The following SLC8A1 variants were observed in gnomAD, a reference collection of about 807,000 sequenced individuals.
SLC8A1 encodes solute carrier family 8 member A1.
Under a neutral mutation model 68.3 loss-of-function variants are expected in SLC8A1, and 18 were observed. The ratio of observed to expected loss-of-function variants is 0.26; its 90% CI spans 0.18 to 0.39. SLC8A1 has a LOEUF of 0.39. Ranked by LOEUF, SLC8A1 falls within the 10% of genes least tolerant of loss-of-function variation. SLC8A1 has a pLI of 1.00. For missense variants in SLC8A1, 985 were observed against 1,156.7 expected, an observed-to-expected ratio of 0.85 and a Z score of 2.15; for synonymous variants, 475 against 415.5, an observed-to-expected ratio of 1.14 and a Z score of -1.74.
intron 7 of SLC8A1, 113 bp from the exon 11 acceptor site, chr2:40,115,742 A>C (rs2035198810): frequency 7.3e-7 from 1 of 1,374,132 alleles, no homozygotes; most frequent in African/African-American, 1.4e-5. Context: ...AAACCCAGTG[A>C]CCAAGAAATG....
chr2:40,446,969 T>C (rs1559718689), intron 1 of SLC8A1, among the ~76,000 whole-genome samples: 1 of 152,206 alleles, frequency 6.6e-6, no homozygotes, highest in African/African-American at 2.4e-5. Flanking sequence ...TTGGTTGAAG[T>C]AAATTGCTGA....
intron 2 of SLC8A1, among the ~76,000 whole-genome samples, chr2:40,224,189 T>G (rs911972299): frequency 3.3e-5 from 5 of 152,128 alleles, no homozygotes; most frequent in Admixed American, 3.3e-4. Flanking sequence ...ACTCTTTTAA[T>G]TGAATAGCAA....
At chr2:40,490,879 A>T (rs1705270242) in intron 1 of SLC8A1, among the ~76,000 whole-genome samples, 1 of 152,130 alleles carries the variant, frequency 6.6e-6, no homozygotes, top group Admixed American at 6.6e-5. Context: ...TATGCATCGT[A>T]CTGAGATACA....
intron 2 of SLC8A1, among the ~76,000 whole-genome samples, chr2:40,241,155 A>C (rs2061167786): frequency 6.6e-6 from 1 of 152,176 alleles, no homozygotes; most frequent in Admixed American, 6.6e-5. Flanking sequence ...ACACCATGGA[A>C]TATTACACAG....
rs572387551 is a variant in SLC8A1, at chr2:40,208,660, A to G, written c.1809-30805T>C. Reference sequence around the variant, plus strand: ...AATCAACTCTGCTCTATGATCCTATAAACAGGAAAGAGTTGCCAAATTTGG... The same window carrying G: ...AATCAACTCTGCTCTATGATCCTATGAACAGGAAAGAGTTGCCAAATTTGG... On this transcript the variant is annotated intron_variant, in intron 2 of 7. Coordinates refer to ENST00000406785, the Ensembl canonical transcript of SLC8A1. Among the ~76,000 whole-genome samples, 6 of 152,260 alleles carry G rather than the reference A, an allele frequency of 3.9e-5. No individual in the cohort carries two copies. In the East Asian group the frequency reaches 9.7e-4, roughly 25 times the overall value.
At chr2:40,226,025 G>C (rs901351396) in intron 2 of SLC8A1, among the ~76,000 whole-genome samples, 1 of 152,054 alleles carries the variant, frequency 6.6e-6, no homozygotes, top group African/African-American at 2.4e-5. Context: ...TTCTGCACAG[G>C]CTTGTGATGA....
intron 2 of SLC8A1, among the ~76,000 whole-genome samples, chr2:40,243,559 G>A (rs2061476417): frequency 1.3e-5 from 2 of 152,112 alleles, no homozygotes; most frequent in African/African-American, 2.4e-5. Flanking sequence ...TAACATCATG[G>A]CTTTGAGCTT....
chr2:40,196,439 A>G (rs960904295), intron 2 of SLC8A1, among the ~76,000 whole-genome samples: 5 of 152,030 alleles, frequency 3.3e-5, no homozygotes, highest in African/African-American at 1.2e-4. Context: ...TGGAAGGAAC[A>G]TAATATTAGA....
intron 2 of SLC8A1, among the ~76,000 whole-genome samples, chr2:40,315,438 A>ATAT (rs781750639): frequency 1.7e-4 from 24 of 138,416 alleles, no homozygotes; most frequent in Non-Finnish European, 2.6e-4. Flanking sequence ...TTTCCTAAGA[A>ATAT]TTTTTTTTTT....
At chr2:40,102,049 C>G (rs1353466883) in exon 8 of SLC8A1, 1 of 152,114 alleles carries the variant, frequency 6.6e-6, no homozygotes, top group East Asian at 1.9e-4. Flanking sequence ...ATTTCCCCCA[C>G]CAGACATTCT....
chr2:40,288,929 G>A (rs2068796870), intron 2 of SLC8A1, among the ~76,000 whole-genome samples: 1 of 146,588 alleles, frequency 6.8e-6, no homozygotes, highest in African/African-American at 2.6e-5. Flanking sequence ...CAATCTCCTA[G>A]CCTCAAGTGA....
chr2:40,324,589 T>C (rs1019449714), intron 2 of SLC8A1, among the ~76,000 whole-genome samples: 2 of 152,188 alleles, frequency 1.3e-5, no homozygotes, highest in African/African-American at 4.8e-5. Context: ...TGTAGGGTTT[T>C]AGTCTCCACA....
chr2:40,396,476 T>C (rs1233857567), intron 2 of SLC8A1, among the ~76,000 whole-genome samples: 2 of 152,014 alleles, frequency 1.3e-5, no homozygotes, highest in African/African-American at 4.8e-5. Context: ...AAATTTAAGA[T>C]AATTAGAAGA....
At chr2:40,116,323 A>G (rs60563966) in intron 7 of SLC8A1, among the ~76,000 whole-genome samples, 45,618 of 151,998 alleles carry the variant, frequency 0.3, 7,555 homozygotes, top group Middle Eastern at 0.47. Context: ...ATTATTTTTT[A>G]TTATTATACT....
intron 7 of SLC8A1, among the ~76,000 whole-genome samples, 172 bp from the exon 11 acceptor site, chr2:40,115,801 C>T (rs550978029): frequency 6.6e-6 from 1 of 152,270 alleles, no homozygotes; most frequent in East Asian, 1.9e-4. Context: ...AGAACAGGAT[C>T]TAGATATTGG....
intron 1 of SLC8A1, among the ~76,000 whole-genome samples, chr2:40,462,505 C>T (rs1246520547): frequency 6.7e-6 from 1 of 149,984 alleles, no homozygotes; most frequent in Admixed American, 6.7e-5. Context: ...GGCAGTATCT[C>T]ATATTAGAGA....
At chr2:40,495,209 CA>C (rs1389841412) in intron 1 of SLC8A1, among the ~76,000 whole-genome samples, 2 of 151,978 alleles carry the variant, frequency 1.3e-5, no homozygotes, top group African/African-American at 4.8e-5. Flanking sequence ...ATCTGAGTCA[CA>C]AGACATCATG....
At chr2:40,322,805 C>T (rs1017559024) in intron 2 of SLC8A1, among the ~76,000 whole-genome samples, 1 of 150,422 alleles carries the variant, frequency 6.6e-6, no homozygotes, top group African/African-American at 2.4e-5. Context: ...ATAGTGCCTA[C>T]CACCATTTAT....
At chr2:40,133,396 G>A (rs1163907363) in intron 7 of SLC8A1, among the ~76,000 whole-genome samples, 1 of 63,152 alleles carries the variant, frequency 1.6e-5, no homozygotes, top group African/African-American at 3.8e-5. Flanking sequence ...AAAATTGGGG[G>A]GGGGGGGGGT....
Sources: allele counts gnomAD v4.1 joint callset (sites outside exome capture counted in the v4.1 genomes callset), GRCh38; gene constraint gnomAD v4.1.1; transcripts MANE v1.5; gene names NCBI Gene and HGNC (gene_info 2026-07-23, HGNC 2026-07-21).